RAP1GAP2: variants seen among roughly 807,000 people sequenced by gnomAD.
The protein encoded by RAP1GAP2 is rap1 GTPase-activating protein 2.
In RAP1GAP2, 27 loss-of-function variants were observed where a neutral mutation model predicts 95.0. The ratio of observed to expected loss-of-function variants is 0.28; its 90% CI spans 0.21 to 0.39. The LOEUF is 0.39. Among genes scored for constraint, RAP1GAP2 ranks in the 10% least tolerant of loss-of-function variants. The pLI is 1.00. For missense variants in RAP1GAP2, 771 were observed against 970.0 expected (o/e 0.79, Z 2.72); for synonymous variants, 373 against 380.9 (o/e 0.98, Z 0.24).
At chr17:3,026,682 C>A (rs2047128637) in intron 21 of RAP1GAP2, among the ~76,000 whole-genome samples, 1 of 152,232 alleles carries the variant, frequency 6.6e-6, no homozygotes, top group African/African-American at 2.4e-5. Flanking sequence ...CAGCAGAGGG[C>A]AGGGGCCAGA....
At chr17:2,760,286 C>CT (rs1356342980) in intron 1 of RAP1GAP2, among the ~76,000 whole-genome samples, 1 of 97,176 alleles carries the variant, frequency 1.0e-5, no homozygotes, top group Non-Finnish European at 1.9e-5. Context: ...GAGCGAGACT[C>CT]TGTCTCAAAA....
chr17:2,987,484 C>T (rs2045595518), intron 11 of RAP1GAP2, among the ~76,000 whole-genome samples: 1 of 152,068 alleles, frequency 6.6e-6, no homozygotes, highest in Non-Finnish European at 1.5e-5. Flanking sequence ...CCTCAGCTCC[C>T]TCGAGCAGCT....
At chr17:2,974,666 G>C (rs2151518863) in intron 8 of RAP1GAP2, among the ~76,000 whole-genome samples, 2 of 152,016 alleles carry the variant, frequency 1.3e-5, no homozygotes, top group East Asian at 3.9e-4. Context: ...AGGACAATGG[G>C]AAGGAAAAAA....
intron 2 of RAP1GAP2, among the ~76,000 whole-genome samples, chr17:2,891,814 CTTT>C (rs917540694): frequency 6.4e-3 from 346 of 54,206 alleles, no homozygotes; most frequent in African/African-American, 0.021. Flanking sequence ...TATTTCTTTT[CTTT>C]TTTTTTTTTT....
rs1597371952 is a variant in RAP1GAP2 at position 2,820,788 on chromosome 17, C to T, written c.80+20238C>T. Among the ~76,000 whole-genome samples the T allele has an allele frequency of 3.3e-5, 5 of 151,516 alleles. No homozygotes were observed. In the South Asian group the frequency reaches 1.0e-3, roughly 32 times the overall value. ...GTCTCACTCTGTATAGTGGCATGAT[C>T]TCGGCTCACTAAAATCTCCGCCTCC... On this transcript the variant is annotated intron_variant, in intron 2 of 24. Transcript: ENST00000254695.
At chr17:2,927,435 G>C (rs374935126) in intron 3 of RAP1GAP2, among the ~76,000 whole-genome samples, 8 of 151,630 alleles carry the variant, frequency 5.3e-5, no homozygotes, top group Admixed American at 1.3e-4. Context: ...TTACAGGCGT[G>C]AGCCACCGCG....
At position 2,880,991 on chromosome 17, in the gene RAP1GAP2, G is replaced by A. The variant is rs115453074; in HGVS notation, c.81-24293G>A. 8.3e-3 allele frequency among the ~76,000 whole-genome samples: 1,254 copies of A among 151,436 alleles called. 8 individuals are homozygous for A. Among genetic ancestry groups the A allele is most frequent in the African/African-American group, 0.028 (1,163 of 41,222 alleles). ...AAAATACAAAAATTAGCCATGTGTGGTGATACATGTCTGTAACCCAGCACT... is the reference window on the plus strand; with the variant it reads ...AAAATACAAAAATTAGCCATGTGTGATGATACATGTCTGTAACCCAGCACT... On this transcript the variant is annotated intron_variant, in intron 2 of 24. Coordinates refer to ENST00000254695, the MANE Select transcript of RAP1GAP2 (RefSeq NM_015085.5).
At chr17:2,940,078 C>T (rs542387271) in intron 3 of RAP1GAP2, among the ~76,000 whole-genome samples, 91 of 152,294 alleles carry the variant, frequency 6.0e-4, no homozygotes, top group African/African-American at 2.0e-3. Context: ...AGTACCTTTT[C>T]GTGAGTGTCC....
At chr17:2,859,173 C>T (rs1423654450) in intron 2 of RAP1GAP2, among the ~76,000 whole-genome samples, 2 of 145,190 alleles carry the variant, frequency 1.4e-5, no homozygotes, top group African/African-American at 5.1e-5. Flanking sequence ...TGCAGTGGCA[C>T]GATCTCGGCT....
chr17:2,864,716 C>T (rs563510009), intron 2 of RAP1GAP2, among the ~76,000 whole-genome samples: 3 of 152,290 alleles, frequency 2.0e-5, no homozygotes, highest in African/African-American at 4.8e-5. Flanking sequence ...AGATCCATTG[C>T]GATGAGAAAG....
At position 2,902,218 on chromosome 17, in the gene RAP1GAP2, TTC is replaced by T; in HGVS notation, c.81-3064_81-3063del. 6.6e-6 allele frequency among the ~76,000 whole-genome samples: 1 copy of T among 151,014 alleles called. No individual in the cohort carries two copies. The highest frequency in any genetic ancestry group is 2.4e-5 in the African/African-American group (1 of 40,888). ...TGTTTCTTCACATTGTTGCCTTCCCTTCTTTTTTTTTTTTTTGAGATGGAGTC... is the reference window on the plus strand; with the variant it reads ...TGTTTCTTCACATTGTTGCCTTCCCTTTTTTTTTTTTTTTGAGATGGAGTC... On this transcript the variant is annotated intron_variant, in intron 2 of 24. Coordinates refer to ENST00000254695, the MANE Select transcript of RAP1GAP2 (RefSeq NM_015085.5). The surrounding 1 kb of genome is among the most constrained non-coding windows in gnomAD (Gnocchi z 4.1).
In RAP1GAP2 at chr17:3,003,506, G is replaced by A. The variant is rs1010159348; in HGVS notation, c.1201-1863G>A. 1.3e-5 allele frequency among the ~76,000 whole-genome samples: 2 copies of A among 152,036 alleles called. No individual in the cohort carries two copies. The highest frequency in any genetic ancestry group is 4.8e-5 in the African/African-American group (2 of 41,386). On this transcript the variant is annotated intron_variant, in intron 14 of 24. Transcript: ENST00000254695. The surrounding 1 kb of genome is among the most constrained non-coding windows in gnomAD (Gnocchi z 4.1). ...GTCACGACTTGTCTGTTGCTCGGAC[G>A]ATGCTCTGTGTGCCACCGCGGCTCC...
intron 2 of RAP1GAP2, among the ~76,000 whole-genome samples, chr17:2,868,731 C>T (rs910438894): frequency 1.1e-4 from 17 of 152,092 alleles, no homozygotes; most frequent in Admixed American, 5.9e-4. Context: ...GTTGGCCAGG[C>T]TGGTCTCGAA....
At chr17:2,971,532 C>G (rs1013026920) in intron 8 of RAP1GAP2, among the ~76,000 whole-genome samples, 1 of 151,828 alleles carries the variant, frequency 6.6e-6, no homozygotes, top group African/African-American at 2.4e-5. Context: ...CCCAGGAGTT[C>G]GAGACCAGCC....
chr17:2,758,522 C>G, intron 1 of RAP1GAP2, among the ~76,000 whole-genome samples: 1 of 152,066 alleles, frequency 6.6e-6, no homozygotes, highest in South Asian at 2.1e-4. Flanking sequence ...ACCCCTCACC[C>G]CAGATAAAAG....
intron 17 of RAP1GAP2, among the ~76,000 whole-genome samples, chr17:3,017,818 G>A (rs761124563): frequency 1.2e-4 from 18 of 152,118 alleles, no homozygotes; most frequent in Non-Finnish European, 2.1e-4. Flanking sequence ...ATTCCCTCCA[G>A]CCGGGGCTGT....
upstream of RAP1GAP2, among the ~76,000 whole-genome samples, chr17:2,793,109 T>C (rs1390653372): frequency 6.6e-6 from 1 of 152,144 alleles, no homozygotes; most frequent in Non-Finnish European, 1.5e-5. Flanking sequence ...GGCCTGTCAT[T>C]AACTCCCTCT....
intron 17 of RAP1GAP2, among the ~76,000 whole-genome samples, chr17:3,016,407 C>A (rs12453009): frequency 1.3e-4 from 20 of 152,222 alleles, no homozygotes; most frequent in Admixed American, 1.2e-3. Context: ...CAGTGGGGAG[C>A]TCAGGGAGCA....
At chr17:2,992,008 C>T (rs2045772951) in intron 12 of RAP1GAP2, among the ~76,000 whole-genome samples, 2 of 152,020 alleles carry the variant, frequency 1.3e-5, no homozygotes, top group South Asian at 4.1e-4. Context: ...TCAGGCAATC[C>T]ACCCACCTCA....
Sources: gnomAD v4.1 joint callset for allele counts (sites outside exome capture counted in the v4.1 genomes callset) on GRCh38, gnomAD v4.1.1 for gene constraint, Gnocchi (gnomAD v3.1) non-coding constraint, MANE v1.5 for transcripts, NCBI Gene and HGNC (gene_info 2026-07-23, HGNC 2026-07-21) for gene names.